Variants in KAZN observed in about 807,000 individuals in gnomAD.
The protein encoded by KAZN is kazrin, periplakin interacting protein.
KAZN carries 40 observed loss-of-function variants against 87.4 expected under a neutral mutation model. The ratio of observed to expected loss-of-function variants is 0.46; its 90% confidence interval spans 0.36 to 0.60. The LOEUF (loss-of-function observed/expected upper bound fraction) is 0.60. KAZN is among the 20% of genes least tolerant of loss of function. The probability of loss-of-function intolerance (pLI) is 0.00; values close to 1 mark genes in which losing one functional copy is unlikely to be tolerated. For synonymous variants in KAZN, 466 were observed against 458.3 expected, an observed-to-expected ratio of 1.02 and a Z score of -0.22; for missense variants, 898 against 1,073.9, an observed-to-expected ratio of 0.84 and a Z score of 2.29.
chr1:15,013,211 C>T (rs1207270948), intron 2 of KAZN, among the ~76,000 whole-genome samples: 2 of 152,252 alleles, frequency 1.3e-5, no homozygotes, highest in South Asian at 2.1e-4. Flanking sequence ...TCAGTGCTTC[C>T]GCAAATATTT....
rs970725935 is a variant in KAZN at position 14,735,183 on chromosome 1, A to C, written c.226+135960A>C. On this transcript the variant is annotated intron_variant, in intron 1 of 14. Coordinates refer to ENST00000376030, the MANE Select transcript of KAZN (RefSeq NM_201628.3). This position sits in a 1 kb window ranked among gnomAD's most constrained non-coding sequence, Gnocchi z 4.3. ...CACTCCATTCTCCTGCCTCAGCCTC[A>C]GGAGCAGCTGGGACTACAGGCACCC... Among the ~76,000 whole-genome samples the C allele has an allele frequency of 1.3e-5, 2 of 152,010 alleles. No homozygotes were observed. Among genetic ancestry groups the C allele is most frequent in the Admixed American group, 1.3e-4 (2 of 15,266 alleles).
intron 1 of KAZN, among the ~76,000 whole-genome samples, chr1:13,929,329 G>GGATTT (rs1640416620): frequency 6.6e-6 from 1 of 152,142 alleles, no homozygotes; most frequent in South Asian, 2.1e-4. Context: ...TAAAAACTCA[G>GGATTT]GCTGCTGGCG....
chr1:14,355,923 T>G (rs1276491073), intron 2 of KAZN, among the ~76,000 whole-genome samples: 1 of 152,224 alleles, frequency 6.6e-6, no homozygotes, highest in African/African-American at 2.4e-5. Context: ...TAGAATGACT[T>G]ATAATACTTT....
chr1:14,811,808 T>C (rs969681958), intron 1 of KAZN, among the ~76,000 whole-genome samples: 11 of 152,306 alleles, frequency 7.2e-5, no homozygotes, highest in Non-Finnish European at 1.5e-4. Context: ...TTTAATGAAA[T>C]GCATATTATG....
chr1:14,782,072 T>C (rs1240818161), intron 1 of KAZN, among the ~76,000 whole-genome samples: 1 of 152,224 alleles, frequency 6.6e-6, no homozygotes, highest in Non-Finnish European at 1.5e-5. Flanking sequence ...AGGTTTACAA[T>C]AGTGTCTGGC....
At chr1:14,986,536 G>C (rs113213757) in intron 2 of KAZN, among the ~76,000 whole-genome samples, 17 of 152,222 alleles carry the variant, frequency 1.1e-4, no homozygotes, top group African/African-American at 3.4e-4. Flanking sequence ...AAGCAGTTCC[G>C]CAGTCCTGCT....
chr1:14,263,961 T>A (rs1252723474), intron 2 of KAZN, among the ~76,000 whole-genome samples: 1 of 152,250 alleles, frequency 6.6e-6, no homozygotes, highest in Non-Finnish European at 1.5e-5. Context: ...TCCTGGGCTA[T>A]CTCAGCTATT....
At chr1:14,251,046 A>C (rs1211438371) in intron 2 of KAZN, among the ~76,000 whole-genome samples, 1 of 152,168 alleles carries the variant, frequency 6.6e-6, no homozygotes, top group African/African-American at 2.4e-5. Flanking sequence ...TAGTGAACCC[A>C]AAATTACCAG....
intron 2 of KAZN, among the ~76,000 whole-genome samples, chr1:14,228,717 G>A (rs1013747700): frequency 1.3e-5 from 2 of 152,230 alleles, no homozygotes; most frequent in African/African-American, 2.4e-5. Context: ...GGCAAAGACA[G>A]TTCTAATGTT....
chr1:14,638,580 A>AAAAAAAAAAAC (rs1680181141), intron 1 of KAZN, among the ~76,000 whole-genome samples: 1 of 23,622 alleles, frequency 4.2e-5, no homozygotes, highest in African/African-American at 5.3e-4. Flanking sequence ...AAAAAAAAAC[A>AAAAAAAAAAAC]AAAAAAAAAA....
Position 14,617,794 on chromosome 1 carries a change from T to C in KAZN, c.226+18571T>C, listed in dbSNP as rs113726026. ...GGAGGAGCTAGTTAAAATTGGAGTC[T>C]TGGTTTTTCAAATAAAAATCCCAAA... On this transcript the variant is annotated intron_variant, in intron 1 of 14. Transcript: ENST00000376030. Among the ~76,000 whole-genome samples, 266 of 152,306 alleles carry C rather than the reference T, an allele frequency of 1.7e-3. 2 individuals are homozygous for C. The highest frequency in any genetic ancestry group is 6.0e-3 in the African/African-American group (251 of 41,560).
intron 2 of KAZN, among the ~76,000 whole-genome samples, chr1:14,431,242 A>G (rs1406873243): frequency 6.6e-6 from 1 of 152,184 alleles, no homozygotes; most frequent in Non-Finnish European, 1.5e-5. Flanking sequence ...AGTGCTCGAC[A>G]ATTTCTCATT....
chr1:14,680,185 G>C (rs1264812329), intron 1 of KAZN, among the ~76,000 whole-genome samples: 3 of 152,134 alleles, frequency 2.0e-5, no homozygotes, highest in Admixed American at 1.3e-4. Context: ...GAAATGCACA[G>C]ATCTTAAATG....
At chr1:14,041,695 T>C (rs911797892) in intron 1 of KAZN, among the ~76,000 whole-genome samples, 1 of 152,214 alleles carries the variant, frequency 6.6e-6, no homozygotes, top group Non-Finnish European at 1.5e-5. Flanking sequence ...TCCCTATTTC[T>C]TTCATCCAAA....
At chr1:14,273,881 C>G (rs1047102365) in intron 2 of KAZN, among the ~76,000 whole-genome samples, 2 of 151,660 alleles carry the variant, frequency 1.3e-5, no homozygotes, top group Admixed American at 6.6e-5. Context: ...AAAAGGATTT[C>G]CTAAGTAAAA....
At position 15,094,230 on chromosome 1, in the gene KAZN, G is replaced by A; in HGVS notation, c.1273G>A (p.Gly425Ser). 6.2e-7 allele frequency: 1 copy of A among 1,613,948 alleles called. No individual in the cohort carries two copies. Among genetic ancestry groups the A allele is most frequent in the Non-Finnish European group, 8.5e-7 (1 of 1,179,894 alleles). Residue 425 changes from glycine to serine, a missense_variant, in exon 9 of 15, where the codon GGC becomes AGC. Coordinates refer to ENST00000376030, the MANE Select transcript of KAZN (RefSeq NM_201628.3). The surrounding 1 kb of genome is among the most constrained non-coding windows in gnomAD (Gnocchi z 4.5). ...GCGGCAGAGCCTCAGCCTGTCGGAA[G>A]GCGAGGAGCAGATGGACCGGCTGCA... ...PTRQSLSLSE[G>S]EEQMDRLQQV...
intron 1 of KAZN, among the ~76,000 whole-genome samples, chr1:14,933,272 T>C (rs1441679481): frequency 6.6e-6 from 1 of 151,890 alleles, no homozygotes; most frequent in Non-Finnish European, 1.5e-5. Flanking sequence ...TTTGGATTTT[T>C]AGTAGAGACA....
intron 12 of KAZN, 88 bp downstream of exon 12, chr1:15,103,548 G>A: frequency 2.3e-6 from 2 of 858,712 alleles, no homozygotes; most frequent in Admixed American, 2.0e-5. Flanking sequence ...CAAATCACAT[G>A]CAAATCAATA....
intron 2 of KAZN, among the ~76,000 whole-genome samples, chr1:14,557,665 TGGTGTGTGAGAGA>T (rs1673990110): frequency 1.6e-5 from 2 of 122,822 alleles, no homozygotes; most frequent in African/African-American, 7.2e-5. Flanking sequence ...TGTGTGTGTG[TGGTGTGTGAGAGA>T]GAGAGAGAGA....
Sources: allele counts gnomAD v4.1 joint callset (sites outside exome capture counted in the v4.1 genomes callset), GRCh38; gene constraint gnomAD v4.1.1; non-coding constraint Gnocchi (gnomAD v3.1); transcripts MANE v1.5; gene names NCBI Gene and HGNC (gene_info 2026-07-23, HGNC 2026-07-21).